Variants in CRACDL observed in about 807,000 individuals in gnomAD.
CRACDL encodes the protein CRACD like.
Under a neutral mutation model 70.6 loss-of-function variants are expected in CRACDL, and 26 were observed. The observed-to-expected ratio is 0.37, with a 90% CI of 0.27 to 0.51. CRACDL has a LOEUF of 0.51. Ranked by LOEUF, CRACDL falls within the 20% of genes least tolerant of loss-of-function variation. CRACDL has a pLI of 0.94. For synonymous variants in CRACDL, 618 were observed against 615.2 expected (o/e 1.00, Z -0.07); for missense variants, 1,283 against 1,376.9 (o/e 0.93, Z 1.08).
rs1349784565 is a variant in CRACDL at position 98,822,741 on chromosome 2, G to A, written c.1532C>T (p.Ala511Val). 2 of 1,261,456 alleles carry A rather than the reference G, an allele frequency of 1.6e-6. No individual in the cohort carries two copies. Among genetic ancestry groups the A allele is most frequent in the Non-Finnish European group, 2.0e-6 (2 of 1,007,572 alleles). The allele number at this position is 1,261,456 out of a possible 1,614,324, so 78.1% of individuals were successfully genotyped here. A position where few individuals can be genotyped will look rare whatever the true frequency, so the allele number is the denominator to read the frequency against. The change falls in exon 7 of 10, where the codon GCG (alanine) becomes GTG (valine). Residue 511 changes from alanine to valine, a missense_variant. Physicochemically the swap from Ala to Val is moderately conservative, Grantham distance 64. Around this residue, in one of 2 missense-constraint regions of CRACDL, gnomAD observed 921 missense variants for 881.9 expected, o/e 1.04. Transcript: ENST00000397899. The surrounding 1 kb of genome is among the most constrained non-coding windows in gnomAD (Gnocchi z 4.9). Reference sequence around the variant, plus strand: ...CTCCGCAGCGGCAAGCGGCGGGGACGCGGCGGGGCCCTCGCTGGCGGCCGC... The same window carrying A: ...CTCCGCAGCGGCAAGCGGCGGGGACACGGCGGGGCCCTCGCTGGCGGCCGC... The part of the protein sequence containing the change: ...RPAAASEGPA[A>V]SPPLAAAESP...
intron 7 of CRACDL, among the ~76,000 whole-genome samples, chr2:98,812,165 G>T (rs938989192): frequency 4.6e-5 from 7 of 152,114 alleles, no homozygotes; most frequent in African/African-American, 1.7e-4. Flanking sequence ...AGTATACATG[G>T]GGTTTCACCA....
At chr2:98,803,711 A>G (rs1333884484) in intron 7 of CRACDL, among the ~76,000 whole-genome samples, 1 of 152,220 alleles carries the variant, frequency 6.6e-6, no homozygotes, top group Non-Finnish European at 1.5e-5. Context: ...AAGAGGCCTG[A>G]GTTTGCTAAG....
intron 1 of CRACDL, among the ~76,000 whole-genome samples, chr2:98,889,343 G>GAAAGAAAGAAAGAAA (rs1558624683): frequency 7.0e-6 from 1 of 143,654 alleles, no homozygotes. Flanking sequence ...AAGAAAGAAA[G>GAAAGAAAGAAAGAAA]GAAACAGTAA....
intron 1 of CRACDL, among the ~76,000 whole-genome samples, chr2:98,852,903 T>G (rs1706536203): frequency 7.5e-6 from 1 of 133,376 alleles, no homozygotes; most frequent in African/African-American, 2.9e-5. Flanking sequence ...GTGGGGGGAG[T>G]GTGAAGAAGC....
chr2:98,824,399 T>TA (rs1705223262), intron 6 of CRACDL, among the ~76,000 whole-genome samples: 1 of 150,952 alleles, frequency 6.6e-6, no homozygotes, highest in Non-Finnish European at 1.5e-5. Flanking sequence ...CCTGAAGCCC[T>TA]ACTGGCTTGG....
intron 1 of CRACDL, among the ~76,000 whole-genome samples, chr2:98,900,589 A>G (rs1468935676): frequency 6.6e-6 from 1 of 152,142 alleles, no homozygotes; most frequent in East Asian, 1.9e-4. Context: ...CTCTGTGTGC[A>G]CACGTTTGTG....
intron 3 of CRACDL, among the ~76,000 whole-genome samples, chr2:98,834,728 T>TA (rs1309364711): frequency 6.6e-6 from 1 of 152,044 alleles, no homozygotes; most frequent in African/African-American, 2.4e-5. Context: ...AAAAGAGAAA[T>TA]AAAACAATCT....
Position 98,821,993 on chromosome 2 carries a change from C to G in CRACDL, c.2280G>C (p.Pro760=). The change falls in exon 7 of 10, where the codon CCG becomes CCC. Residue 760 remains proline (P), a synonymous_variant. Transcript: ENST00000397899. The part of the protein sequence containing the change: ...ARPPEPLSSK[P]PLPRKPLLQS... ...GCAGAAGCGGCTTCCGGGGCAGGGG[C>G]GGCTTGGAGCTGAGCGGCTCGGGGG... 1 of 1,528,596 alleles carries G rather than the reference C, an allele frequency of 6.5e-7. No individual in the cohort carries two copies. Among genetic ancestry groups the G allele is most frequent in the Non-Finnish European group, 8.8e-7 (1 of 1,138,174 alleles). The allele number at this position is 1,528,596 out of a possible 1,614,324, so 94.7% of individuals were successfully genotyped here. A position where few individuals can be genotyped will look rare whatever the true frequency, so the allele number is the denominator to read the frequency against.
At chr2:98,896,907 T>C (rs1708141116) in intron 1 of CRACDL, among the ~76,000 whole-genome samples, 1 of 152,166 alleles carries the variant, frequency 6.6e-6, no homozygotes, top group Admixed American at 6.5e-5. Flanking sequence ...CTCTCTCCCT[T>C]GGACACCCCT....
At chr2:98,837,407 A>C (rs1472817705) in intron 3 of CRACDL, among the ~76,000 whole-genome samples, 1 of 151,702 alleles carries the variant, frequency 6.6e-6, no homozygotes, top group African/African-American at 2.4e-5. Flanking sequence ...AACCTGAGGG[A>C]TATTATGTTC....
chr2:98,807,058 T>C (rs1032297550), intron 7 of CRACDL, among the ~76,000 whole-genome samples: 1 of 152,220 alleles, frequency 6.6e-6, no homozygotes, highest in Non-Finnish European at 1.5e-5. Flanking sequence ...AGCAGTATCA[T>C]ATTCATAATG....
Position 98,832,513 on chromosome 2 carries a change from C to G in CRACDL, c.376-1G>C. 3 of 1,586,924 alleles carry G rather than the reference C, an allele frequency of 1.9e-6. No homozygotes were observed. The highest frequency in any genetic ancestry group is 2.6e-6 in the Non-Finnish European group (3 of 1,165,784). ...TTTTCACATTACACTGTATTTTTAACTAGATTGGAATAAAGAACATGTGCT... is the reference window on the plus strand; with the variant it reads ...TTTTCACATTACACTGTATTTTTAAGTAGATTGGAATAAAGAACATGTGCT... On this transcript the variant is annotated splice_acceptor_variant, in intron 4 of 9. Coordinates refer to ENST00000397899, the MANE Select transcript of CRACDL (RefSeq NM_207362.3). LOFTEE classifies it high-confidence loss of function.
At chr2:98,880,673 A>G (rs1219257549) in intron 1 of CRACDL, among the ~76,000 whole-genome samples, 1 of 152,004 alleles carries the variant, frequency 6.6e-6, no homozygotes, top group Non-Finnish European at 1.5e-5. Flanking sequence ...CAAAGCCAGG[A>G]GAGGAGCTGA....
chr2:98,864,993 C>T (rs540873896), intron 1 of CRACDL, among the ~76,000 whole-genome samples: 3 of 152,284 alleles, frequency 2.0e-5, no homozygotes, highest in East Asian at 3.9e-4. Context: ...ACAACTGTTA[C>T]AGGAAGAGGG....
At chr2:98,904,111 C>T (rs1040289658) in intron 1 of CRACDL, among the ~76,000 whole-genome samples, 6 of 152,152 alleles carry the variant, frequency 3.9e-5, no homozygotes, top group Admixed American at 3.9e-4. Flanking sequence ...TAAAATGATC[C>T]CTAGAGAGTT....
At chr2:98,925,498 C>T (rs1225555784) in intron 1 of CRACDL, among the ~76,000 whole-genome samples, 1 of 152,188 alleles carries the variant, frequency 6.6e-6, no homozygotes, top group Non-Finnish European at 1.5e-5. Flanking sequence ...ATCATGGCAG[C>T]CCCTGTGTGT....
At chr2:98,869,271 A>C in intron 1 of CRACDL, 2 of 1,233,280 alleles carry the variant, frequency 1.6e-6, no homozygotes, top group Non-Finnish European at 2.1e-6. Flanking sequence ...TCACAGAAGT[A>C]CCCGTGCGCC....
Position 98,794,134 on chromosome 2 carries a change from T to A in CRACDL, c.*398A>T, listed in dbSNP as rs1703705007. On this transcript the variant is annotated 3_prime_UTR_variant, in exon 10 of 10. Transcript: ENST00000397899. ...GAGCGACCAGAGACATGGGCTGATC[T>A]CAGCTGGAAGCACAGATGTCCCTTC... 1.3e-5 allele frequency: 2 copies of A among 156,366 alleles called. No individual in the cohort carries two copies. Among genetic ancestry groups the A allele is most frequent in the Non-Finnish European group, 2.8e-5 (2 of 70,700 alleles). The allele number at this position is 156,366 out of a possible 1,614,324, so 9.7% of individuals were successfully genotyped here.
intron 7 of CRACDL, among the ~76,000 whole-genome samples, chr2:98,806,746 A>C (rs1447606066): frequency 1.3e-5 from 2 of 152,232 alleles, no homozygotes; most frequent in African/African-American, 4.8e-5. Flanking sequence ...CTAGAGCACG[A>C]TTGAGAAAAA....
Sources: allele counts gnomAD v4.1 joint callset (sites outside exome capture counted in the v4.1 genomes callset), GRCh38; gene constraint gnomAD v4.1.1; regional missense constraint gnomAD v4.1.1; non-coding constraint Gnocchi (gnomAD v3.1); transcripts MANE v1.5; gene names NCBI Gene and HGNC (gene_info 2026-07-23, HGNC 2026-07-21).